DAZAP2: variants seen among roughly 807,000 people sequenced by gnomAD.
The protein encoded by DAZAP2 is DAZ associated protein 2.
In DAZAP2, 3 loss-of-function variants were observed where a neutral mutation model predicts 16.2. The ratio of observed to expected loss-of-function variants is 0.19; its 90% CI spans 0.08 to 0.48. The LOEUF is 0.48. Ranked by LOEUF, DAZAP2 falls within the 20% of genes least tolerant of loss-of-function variation. The pLI is 0.98. For missense variants in DAZAP2, 172 were observed against 215.9 expected, an observed-to-expected ratio of 0.80 and a Z score of 1.27; for synonymous variants, 69 against 77.6, an observed-to-expected ratio of 0.89 and a Z score of 0.58.
In DAZAP2 at chr12:51,240,877, C is replaced by G; in HGVS notation, c.139C>G (p.Arg47Gly). Residue 47 changes from arginine (R) to glycine (G), a missense_variant, in exon 3 of 4, where the codon CGT becomes GGT. Arg to Gly is a moderately radical substitution (Grantham distance 125). Coordinates refer to ENST00000412716, the MANE Select transcript of DAZAP2 (RefSeq NM_014764.4). ...DAPPAYSELY[R>G]PSFVHPGAAT... Reference sequence around the variant, plus strand: ...TCTCTTCTGCCTCTTCTAGCTCTATCGTCCGAGCTTTGTGCACCCAGGGGC... The same window carrying G: ...TCTCTTCTGCCTCTTCTAGCTCTATGGTCCGAGCTTTGTGCACCCAGGGGC... 1.2e-6 allele frequency: 2 copies of G among 1,613,802 alleles called. No homozygotes were observed. Among genetic ancestry groups the G allele is most frequent in the Non-Finnish European group, 1.7e-6 (2 of 1,179,780 alleles).
downstream of DAZAP2, chr12:51,246,353 C>G: frequency 1.8e-6 from 1 of 547,812 alleles, no homozygotes; most frequent in Non-Finnish European, 3.1e-6. Flanking sequence ...TCTGACAAAA[C>G]TGAACTGCCT....
At chr12:51,246,714 C>G (rs1944777634), downstream of DAZAP2, 1 of 1,479,564 alleles carries the variant, frequency 6.8e-7, no homozygotes, top group Non-Finnish European at 9.0e-7. Context: ...TGCCCTTGAT[C>G]CAGAAGGTCC....
At chr12:51,246,085 CGA>C, downstream of DAZAP2, 1 of 1,613,756 alleles carries the variant, frequency 6.2e-7, no homozygotes, top group Non-Finnish European at 8.5e-7. Context: ...AGATCACGAC[CGA>C]GAGCAGGGTG....
At chr12:51,242,231 T>TTTA in intron 3 of DAZAP2, 99 bp from the exon 4 acceptor site, 1 of 1,482,644 alleles carries the variant, frequency 6.7e-7, no homozygotes, top group Non-Finnish European at 9.0e-7. Context: ...CGCAGCTGGT[T>TTTA]AGCACATTGC....
chr12:51,241,794 G>A (rs370150788), intron 3 of DAZAP2, among the ~76,000 whole-genome samples: 4 of 152,054 alleles, frequency 2.6e-5, no homozygotes, highest in African/African-American at 4.8e-5. Context: ...GGTGGCAGGC[G>A]TCTGTAATCC....
chr12:51,243,070 AGT>A lies in DAZAP2; in HGVS notation c.*615_*616del. On this transcript the variant is annotated 3_prime_UTR_variant, in exon 4 of 4. Coordinates refer to ENST00000412716, the MANE Select transcript of DAZAP2 (RefSeq NM_014764.4). Reference sequence around the variant, plus strand: ...TCTCCCCACTCGTCATCTTTTAACTAGTGTTTCACAAGGATCCTCTGAAACCC... The same window carrying A: ...TCTCCCCACTCGTCATCTTTTAACTAGTTTCACAAGGATCCTCTGAAACCC... 2.0e-6 allele frequency: 2 copies of A among 991,306 alleles called. No individual in the cohort carries two copies. Among genetic ancestry groups the A allele is most frequent in the Non-Finnish European group, 2.4e-6 (2 of 833,952 alleles). 61.4% of individuals were successfully genotyped at this position (991,306 alleles called of 1,614,324 possible).
intron 3 of DAZAP2, among the ~76,000 whole-genome samples, chr12:51,241,921 CAAAAAAATTAAAAAAA>C (rs1030071885): frequency 1.4e-5 from 2 of 147,342 alleles, no homozygotes; most frequent in African/African-American, 5.1e-5. Context: ...GACTCTATCT[CAAAAAAATTAAAAAAA>C]AAAAAAATTA....
intron 1 of DAZAP2, 188 bp from the exon 2 acceptor site, chr12:51,240,155 C>T (rs1486618471): frequency 6.7e-6 from 4 of 599,180 alleles, no homozygotes; most frequent in Non-Finnish European, 1.2e-5. Flanking sequence ...CGTTAGAATC[C>T]AGCACCTTCC....
chr12:51,243,192 C>G lies in DAZAP2; in HGVS notation c.*734C>G. 1 of 985,944 alleles carries G rather than the reference C, an allele frequency of 1.0e-6. No individual in the cohort carries two copies. 61.1% of individuals were successfully genotyped at this position (985,944 alleles called of 1,614,324 possible). On this transcript the variant is annotated 3_prime_UTR_variant, in exon 4 of 4. Transcript: ENST00000412716. ...CTTATGGGCCCTCCTCATAGGTTGT[C>G]TCTGCATACACGAACCTAACCCAAA...
chr12:51,246,465 C>A (rs538512656), downstream of DAZAP2: 24 of 426,798 alleles, frequency 5.6e-5, no homozygotes, highest in African/African-American at 4.2e-4. Context: ...TCTTCCTCAC[C>A]CACTCAACCA....
chr12:51,241,475 A>G (rs566894175), intron 3 of DAZAP2, among the ~76,000 whole-genome samples: 5 of 152,202 alleles, frequency 3.3e-5, no homozygotes, highest in Non-Finnish European at 7.3e-5. Context: ...AGGAACCCTG[A>G]TAATTAAAAA....
chr12:51,244,244 G>A (rs1944734349), downstream of DAZAP2, among the ~76,000 whole-genome samples: 1 of 152,006 alleles, frequency 6.6e-6, no homozygotes, highest in Non-Finnish European at 1.5e-5. Context: ...TGTCACCCGG[G>A]CTGGAGTGCA....
intron 2 of DAZAP2, 177 bp from the exon 3 acceptor site, chr12:51,240,694 A>G (rs916740529): frequency 1.4e-5 from 13 of 944,202 alleles, no homozygotes; most frequent in Middle Eastern, 2.6e-4. Context: ...TGTGAGCCCA[A>G]CATTAGCTAT....
At chr12:51,244,113 G>A (rs556073918), downstream of DAZAP2, among the ~76,000 whole-genome samples, 1 of 152,232 alleles carries the variant, frequency 6.6e-6, no homozygotes, top group Non-Finnish European at 1.5e-5. Flanking sequence ...TGTATACGTT[G>A]AGGATGACCT....
In DAZAP2 at chr12:51,238,894, G is replaced by C. The variant is rs1160928290; in HGVS notation, c.-14G>C. 11 of 1,613,384 alleles carry C rather than the reference G, an allele frequency of 6.8e-6. No individual in the cohort carries two copies. Among genetic ancestry groups the C allele is most frequent in the South Asian group, 3.3e-5 (3 of 91,078 alleles). ...CCGTCCGCGACGCCGAGACAAACCG[G>C]ACCCGCAACCACCATGAACAGCAAA... On this transcript the variant is annotated 5_prime_UTR_variant, in exon 1 of 4. Transcript: ENST00000412716.
At position 51,243,850 on chromosome 12, in the gene DAZAP2, T is replaced by G. The variant is rs1679139621; in HGVS notation, c.*1392T>G. On this transcript the variant is annotated 3_prime_UTR_variant, in exon 4 of 4. Transcript: ENST00000412716. ...TTCTTCTATATATATTTTATTTATA[T>G]CCCATCTAGAATTCAGCTAGGTGCT... The G allele has an allele frequency of 4.1e-6, 4 of 985,058 alleles. No homozygotes were observed. The South Asian group carries it at 1.4e-4, about 35-fold the overall frequency. The allele number at this position is 985,058 out of a possible 1,614,324, so 61.0% of individuals were successfully genotyped here. A position where few individuals can be genotyped will look rare whatever the true frequency, so the allele number is the denominator to read the frequency against.
downstream of DAZAP2, chr12:51,245,840 A>G: frequency 7.3e-7 from 1 of 1,371,524 alleles, no homozygotes; most frequent in Non-Finnish European, 9.9e-7. Context: ...TGCCCACATC[A>G]ATCAATGCTT....
Position 51,243,335 on chromosome 12 carries a change from C to T in DAZAP2, c.*877C>T, listed in dbSNP as rs1449924578. On this transcript the variant is annotated 3_prime_UTR_variant, in exon 4 of 4. Coordinates refer to ENST00000412716, the MANE Select transcript of DAZAP2 (RefSeq NM_014764.4). ...CAAGGAGGAGGATGCATTTCAAAAG[C>T]TTGATTGATGTGTTCAGAGCTAAAT... 2.0e-6 allele frequency: 2 copies of T among 985,642 alleles called. No homozygotes were observed. Among genetic ancestry groups the T allele is most frequent in the South Asian group, 4.7e-5 (1 of 21,292 alleles). 61.1% of individuals were successfully genotyped at this position (985,642 alleles called of 1,614,324 possible).
rs1944614481 is a variant in DAZAP2 at position 51,239,170 on chromosome 12, G to A, written c.13+250G>A. The A allele has an allele frequency of 7.6e-6, 4 of 529,086 alleles. No homozygotes were observed. The South Asian group carries it at 9.4e-5, about 12-fold the overall frequency. 32.8% of individuals were successfully genotyped at this position (529,086 alleles called of 1,614,324 possible). On this transcript the variant is annotated intron_variant, in intron 1 of 3. Coordinates refer to ENST00000412716, the MANE Select transcript of DAZAP2 (RefSeq NM_014764.4). Reference sequence around the variant, plus strand: ...AGCTGCGGGCTCGGGTGGTGGGGGGGCTTGACATGATGGGCATCCGCAGGA... The same window carrying A: ...AGCTGCGGGCTCGGGTGGTGGGGGGACTTGACATGATGGGCATCCGCAGGA...
Sources: allele counts gnomAD v4.1 joint callset (sites outside exome capture counted in the v4.1 genomes callset), GRCh38; gene constraint gnomAD v4.1.1; transcripts MANE v1.5; gene names NCBI Gene and HGNC (gene_info 2026-07-23, HGNC 2026-07-21).